ZNF169: variants seen among roughly 807,000 people sequenced by gnomAD.
ZNF169 encodes the protein zinc finger protein 169.
A neutral mutation model predicts 12.0 loss-of-function variants in ZNF169; 11 were observed. The observed-to-expected ratio is 0.92, with a 90% CI of 0.58 to 1.52. ZNF169 has a LOEUF of 1.52. Among genes scored for constraint, ZNF169 ranks in the 40% most tolerant of loss-of-function variants. The pLI is 0.00. For missense variants in ZNF169, 722 were observed against 744.0 expected (o/e 0.97, Z 0.34); for synonymous variants, 302 against 286.5 (o/e 1.05, Z -0.55).
chr9:94,291,037 G>A (rs1324917467), intron 2 of ZNF169, among the ~76,000 whole-genome samples: 1 of 144,616 alleles, frequency 6.9e-6, no homozygotes, highest in African/African-American at 2.5e-5. Flanking sequence ...CTGGTCTATG[G>A]AACAGTATTC....
In ZNF169 at chr9:94,300,282, G is replaced by A. The variant is rs374083042; in HGVS notation, c.724G>A (p.Gly242Ser). ...TCATGTGTGCCCTGAATGCGGGAGA[G>A]GCTTTTGCCAGAGATCAGACCTTAT... ...KHHVCPECGR[G>S]FCQRSDLIKH... is the part of the protein sequence containing the mutation. Residue 242 changes from glycine (G) to serine (S), a missense_variant, in exon 5 of 5, where the codon GGC (glycine) becomes AGC (serine). Physicochemically the swap from Gly to Ser is moderately conservative, Grantham distance 56 (BLOSUM62 0). Coordinates refer to ENST00000395395, the MANE Select transcript of ZNF169 (RefSeq NM_194320.4). 4 of 1,614,194 alleles carry A rather than the reference G, an allele frequency of 2.5e-6. No homozygotes were observed. The South Asian group carries it at 3.3e-5, about 13-fold the overall frequency.
intron 1 of ZNF169, among the ~76,000 whole-genome samples, chr9:94,272,572 T>G (rs1043394044): frequency 2.4e-4 from 37 of 152,340 alleles, no homozygotes; most frequent in African/African-American, 7.7e-4. Flanking sequence ...TTATTTAGTA[T>G]AATGTCCTCA....
chr9:94,287,850 G>GA, intron 2 of ZNF169: 1 of 1,042,996 alleles, frequency 9.6e-7, no homozygotes, highest in Non-Finnish European at 1.5e-6. Flanking sequence ...CATTTTAGCC[G>GA]AGAAGTAGGC....
At chr9:94,270,938 A>T (rs191116841) in intron 1 of ZNF169, among the ~76,000 whole-genome samples, 5 of 6,732 alleles carry the variant, frequency 7.4e-4, no homozygotes, top group Admixed American at 3.0e-3. Flanking sequence ...ATAATATATA[A>T]TATATTATAT....
chr9:94,285,188 A>G (rs1234984121), intron 2 of ZNF169, among the ~76,000 whole-genome samples: 1 of 152,248 alleles, frequency 6.6e-6, no homozygotes, highest in African/African-American at 2.4e-5. Flanking sequence ...TCCACAGCCA[A>G]AAGAACACGC....
rs1830786804 is a variant in ZNF169 at position 94,289,499 on chromosome 9, C to G, written c.34-2842C>G. Among the ~76,000 whole-genome samples, 3 of 151,970 alleles carry G rather than the reference C, an allele frequency of 2.0e-5. No individual in the cohort carries two copies. The South Asian group carries it at 6.2e-4, about 32-fold the overall frequency. Reference sequence around the variant, plus strand: ...GCACCTAGAGCAACCACTTAAAAAGCTATACAATGGCCGGGCATGGTGGCT... The same window carrying G: ...GCACCTAGAGCAACCACTTAAAAAGGTATACAATGGCCGGGCATGGTGGCT... On this transcript the variant is annotated intron_variant, in intron 2 of 4. Coordinates refer to ENST00000395395, the MANE Select transcript of ZNF169 (RefSeq NM_194320.4).
intron 2 of ZNF169, among the ~76,000 whole-genome samples, chr9:94,281,072 C>T (rs183798166): frequency 1.1e-3 from 160 of 152,282 alleles, no homozygotes; most frequent in Non-Finnish European, 1.4e-3. Context: ...TATCTAACAT[C>T]TGTGAAAAAT....
rs1831060723 is a variant in ZNF169, at chr9:94,301,022, C to T, written c.1464C>T (p.Cys488=). The change falls in exon 5 of 5, where the codon TGC becomes TGT. Residue 488 remains cysteine (C), a synonymous_variant. Coordinates refer to ENST00000395395, the MANE Select transcript of ZNF169 (RefSeq NM_194320.4). ...RTHTGEKPYL[C]PKCGRAFGFK... is the part of the protein sequence containing the mutation. ...ACACAGGGGAGAAGCCTTATCTGTG[C>T]CCCAAGTGTGGGCGTGCATTTGGCT... 1.2e-6 allele frequency: 2 copies of T among 1,613,856 alleles called. No homozygotes were observed. The highest frequency in any genetic ancestry group is 1.1e-5 in the South Asian group (1 of 91,070).
In ZNF169 at chr9:94,267,862, C is replaced by CTTTTT. The variant is rs34734711; in HGVS notation, c.-56+8533_-56+8537dup. On this transcript the variant is annotated intron_variant, in intron 1 of 4. Coordinates refer to ENST00000395395, the MANE Select transcript of ZNF169 (RefSeq NM_194320.4). ...TTACAGCTGATTATAAAACTGCCTT[C>CTTTTT]TTTTTTTTTTTTTTTTTTTTGAGAC... Among the ~76,000 whole-genome samples the CTTTTT allele has an allele frequency of 4.9e-3, 553 of 113,904 alleles. 12 individuals are homozygous for CTTTTT. Among genetic ancestry groups the CTTTTT allele is most frequent in the Middle Eastern group, 0.011 (2 of 184 alleles). 74.7% of individuals were successfully genotyped at this position (113,904 alleles called of 152,430 possible).
intron 2 of ZNF169, chr9:94,288,419 C>G (rs1830760399): frequency 7.9e-7 from 1 of 1,262,548 alleles, no homozygotes; most frequent in Non-Finnish European, 1.1e-6. Context: ...TTGGCTGAGC[C>G]TGAGCTTGTA....
intron 1 of ZNF169, among the ~76,000 whole-genome samples, chr9:94,270,828 A>AT (rs1830393896): frequency 4.3e-4 from 5 of 11,626 alleles, no homozygotes; most frequent in Non-Finnish European, 8.0e-4. Flanking sequence ...AAATATATAT[A>AT]AAATATATAT....
intron 4 of ZNF169, chr9:94,295,794 T>C (rs1830938452): frequency 6.6e-6 from 1 of 152,218 alleles, no homozygotes; most frequent in Non-Finnish European, 1.5e-5. Context: ...TATTAAAAGG[T>C]ATTTGGGTTT....
chr9:94,269,906 C>T (rs1214989647), intron 1 of ZNF169, among the ~76,000 whole-genome samples: 1 of 152,144 alleles, frequency 6.6e-6, no homozygotes, highest in East Asian at 1.9e-4. Context: ...GGTCCAGGTG[C>T]TGGGGTGATT....
intron 2 of ZNF169, among the ~76,000 whole-genome samples, chr9:94,290,473 A>C (rs533624914): frequency 2.0e-5 from 3 of 152,160 alleles, no homozygotes; most frequent in African/African-American, 7.2e-5. Flanking sequence ...TATTCTAGGT[A>C]CCTTACATAA....
chr9:94,278,983 C>G, intron 2 of ZNF169, 138 bp downstream of exon 2: 1 of 798,738 alleles, frequency 1.3e-6, no homozygotes, highest in East Asian at 2.7e-5. Context: ...AGTTTTCTCT[C>G]AGTCTTATTT....
intron 1 of ZNF169, among the ~76,000 whole-genome samples, chr9:94,268,465 A>G (rs56849060): frequency 0.37 from 56,645 of 151,958 alleles, 10,953 homozygotes; most frequent in Middle Eastern, 0.45. Flanking sequence ...TTTTATACCA[A>G]ATAAGCCCAA....
intron 1 of ZNF169, among the ~76,000 whole-genome samples, chr9:94,271,622 A>G (rs1830425091): frequency 6.8e-6 from 1 of 146,228 alleles, no homozygotes. Context: ...TGGGAGGCTG[A>G]GGTGGGAGAA....
In ZNF169 at chr9:94,300,664, CAG is replaced by C. The variant is rs1491333637; in HGVS notation, c.1107_1108del (p.Arg372AlafsTer6). 4 of 1,614,028 alleles carry C rather than the reference CAG, an allele frequency of 2.5e-6. No homozygotes were observed. The highest frequency in any genetic ancestry group is 3.4e-6 in the Non-Finnish European group (4 of 1,179,948). On this transcript the variant is annotated frameshift_variant, in exon 5 of 5. Transcript: ENST00000395395. LOFTEE classifies it low-confidence loss of function (END_TRUNC). ...CTCCTCCAGCACCAGAGCTCACACA[CAG>C]GGGAGAGGCCCTTCCTGTGCCTTGA...
At chr9:94,299,631 CT>C in intron 4 of ZNF169, 183 bp from the exon 5 acceptor site, 1 of 1,384,896 alleles carries the variant, frequency 7.2e-7, no homozygotes. Flanking sequence ...TTTTTTGAAC[CT>C]TTTAGTTTGG....
Sources: gnomAD v4.1 joint callset for allele counts (sites outside exome capture counted in the v4.1 genomes callset) on GRCh38, gnomAD v4.1.1 for gene constraint, MANE v1.5 for transcripts, NCBI Gene and HGNC (gene_info 2026-07-23, HGNC 2026-07-21) for gene names.